The following SAMD3 variants were observed in gnomAD, a reference collection of about 807,000 sequenced individuals.
SAMD3 encodes sterile alpha motif domain-containing protein 3.
A neutral mutation model predicts 58.5 loss-of-function variants in SAMD3; 63 were observed. The observed-to-expected ratio is 1.08, with a 90% CI of 0.88 to 1.33. SAMD3 has a LOEUF of 1.33. Ranked by LOEUF, SAMD3 falls within the 40% of genes most tolerant of loss-of-function variation. SAMD3 has a pLI of 0.00. For missense variants in SAMD3, 604 were observed against 608.4 expected (o/e 0.99, Z 0.08); for synonymous variants, 220 against 210.3 (o/e 1.05, Z -0.40).
chr6:130,289,526 G>A (rs1241964629), intron 2 of SAMD3, among the ~76,000 whole-genome samples: 1 of 152,082 alleles, frequency 6.6e-6, no homozygotes, highest in Non-Finnish European at 1.5e-5. Flanking sequence ...GAGAGACAGA[G>A]TCTCACTCTG....
At chr6:130,357,877 C>A (rs536901994) in intron 1 of SAMD3, among the ~76,000 whole-genome samples, 1 of 152,286 alleles carries the variant, frequency 6.6e-6, no homozygotes, top group South Asian at 2.1e-4. Flanking sequence ...TTTGTTGGCA[C>A]ATGCCAAAAT....
chr6:130,287,543 A>G (rs1775200431), intron 2 of SAMD3, among the ~76,000 whole-genome samples: 1 of 152,254 alleles, frequency 6.6e-6, no homozygotes, highest in Admixed American at 6.5e-5. Flanking sequence ...ATCTTTTTTA[A>G]CCTGATAGCC....
At chr6:130,201,344 A>T (rs1794638424) in intron 5 of SAMD3, among the ~76,000 whole-genome samples, 1 of 152,160 alleles carries the variant, frequency 6.6e-6, no homozygotes. Flanking sequence ...AAAAATACTG[A>T]TGCACAAGTC....
intron 2 of SAMD3, among the ~76,000 whole-genome samples, chr6:130,262,319 A>G (rs569722798): frequency 6.6e-6 from 1 of 152,178 alleles, no homozygotes; most frequent in Admixed American, 6.5e-5. Context: ...GAAAAAAAAA[A>G]ACTTTTAGAG....
At chr6:130,226,696 G>A (rs1796390416), upstream of SAMD3, among the ~76,000 whole-genome samples, 1 of 152,162 alleles carries the variant, frequency 6.6e-6, no homozygotes, top group African/African-American at 2.4e-5. Flanking sequence ...GCAGGCGCCT[G>A]TAATCCCAGC....
At chr6:130,342,430 T>C (rs1410396205) in intron 1 of SAMD3, among the ~76,000 whole-genome samples, 1 of 152,178 alleles carries the variant, frequency 6.6e-6, no homozygotes, top group East Asian at 1.9e-4. Flanking sequence ...TTTCAATTAA[T>C]TTTAGCTAAG....
At chr6:130,281,671 C>G (rs1774985808) in intron 2 of SAMD3, among the ~76,000 whole-genome samples, 1 of 152,074 alleles carries the variant, frequency 6.6e-6, no homozygotes, top group African/African-American at 2.4e-5. Context: ...ATAATCCCAG[C>G]ACTTTGGGAG....
chr6:130,152,914 C>T (rs1002433950), intron 9 of SAMD3, among the ~76,000 whole-genome samples: 2 of 152,152 alleles, frequency 1.3e-5, no homozygotes, highest in Admixed American at 6.5e-5. Context: ...CTTACTGTCA[C>T]CAATGGTTCT....
intron 2 of SAMD3, among the ~76,000 whole-genome samples, chr6:130,246,307 T>C (rs1461978894): frequency 6.6e-6 from 1 of 152,144 alleles, no homozygotes; most frequent in African/African-American, 2.4e-5. Context: ...TTGAAAGCCA[T>C]CTCTAAAAAC....
At chr6:130,278,916 G>A (rs1353862808) in intron 2 of SAMD3, among the ~76,000 whole-genome samples, 3 of 152,090 alleles carry the variant, frequency 2.0e-5, no homozygotes, top group South Asian at 2.1e-4. Context: ...GGGGAGACAC[G>A]ATGTGGTTAG....
chr6:130,358,665 T>C (rs1777901963), intron 1 of SAMD3, among the ~76,000 whole-genome samples: 1 of 152,048 alleles, frequency 6.6e-6, no homozygotes, highest in Non-Finnish European at 1.5e-5. Context: ...ACCCTTACTC[T>C]TCAATTTCAT....
chr6:130,226,069 A>C (rs76624292), upstream of SAMD3, among the ~76,000 whole-genome samples: 6,595 of 152,238 alleles, frequency 0.043, 468 homozygotes, highest in African/African-American at 0.15. Context: ...GCAGTAATTC[A>C]GGACAGCGCC....
chr6:130,350,327 C>CG (rs1777612933), intron 1 of SAMD3, among the ~76,000 whole-genome samples: 1 of 152,060 alleles, frequency 6.6e-6, no homozygotes, highest in African/African-American at 2.4e-5. Flanking sequence ...AAAACCCCAT[C>CG]ATCTCAGCCA....
At chr6:130,209,648 G>T (rs757275872) in intron 4 of SAMD3, 40 bp from the exon 5 acceptor site, 16 of 1,285,612 alleles carry the variant, frequency 1.2e-5, no homozygotes, top group Non-Finnish European at 1.6e-5. Context: ...TTCAAGAGGT[G>T]ATATGACCAT....
chr6:130,153,662 ATATTTATT>A (rs1342656598), intron 9 of SAMD3, among the ~76,000 whole-genome samples: 42 of 131,170 alleles, frequency 3.2e-4, no homozygotes, highest in East Asian at 6.8e-4. Context: ...ATATATATAT[ATATTTATT>A]TATTTATTTA....
intron 4 of SAMD3, 29 bp from the exon 5 acceptor site, chr6:130,209,637 A>G (rs915808138): frequency 6.5e-6 from 9 of 1,391,248 alleles, no homozygotes; most frequent in South Asian, 3.5e-5. Context: ...GTCAGGCACT[A>G]TTCAAGAGGT....
Position 130,218,749 on chromosome 6 carries a change from T to C in SAMD3, c.-67-2133A>G, listed in dbSNP as rs538936196. On this transcript the variant is annotated intron_variant, in intron 1 of 11. Coordinates refer to ENST00000439090, the MANE Select transcript of SAMD3 (RefSeq NM_001017373.4). The stretch of plus-strand genomic sequence containing the variant: ...TGATTTGGAATCTAAATAATGGACA[T>C]AGTTTAGATAGCAAAGAAGCTGGAG... 9.2e-5 allele frequency among the ~76,000 whole-genome samples: 14 copies of C among 152,048 alleles called. No homozygotes were observed. In the South Asian group the frequency reaches 2.9e-3, roughly 32 times the overall value.
At chr6:130,252,354 C>T (rs1003906820) in intron 2 of SAMD3, among the ~76,000 whole-genome samples, 1 of 151,464 alleles carries the variant, frequency 6.6e-6, no homozygotes, top group African/African-American at 2.4e-5. Flanking sequence ...TCTATTTTAA[C>T]AGTCTTTGCT....
chr6:130,325,032 G>A lies in SAMD3; in HGVS notation c.-303-11939C>T, dbSNP rs546232507. Among the ~76,000 whole-genome samples, 63 of 148,538 alleles carry A rather than the reference G, an allele frequency of 4.2e-4. No individual in the cohort carries two copies. In the South Asian group the frequency reaches 1.0e-2, roughly 23 times the overall value. On this transcript the variant is annotated intron_variant, in intron 1 of 13. Transcript: ENST00000368134. ...TCAGTGGAGCCTTAAATGAAATACT[G>A]CACGTACAATTCAGCTCTGAAGAAC...
Sources: gnomAD v4.1 joint callset for allele counts (sites outside exome capture counted in the v4.1 genomes callset) on GRCh38, gnomAD v4.1.1 for gene constraint, MANE v1.5 for transcripts, NCBI Gene and HGNC (gene_info 2026-07-23, HGNC 2026-07-21) for gene names.